Variants in MGST1 observed in about 807,000 individuals in gnomAD.
The protein encoded by MGST1 is glutathione S-transferase 12.
MGST1 carries 5 observed loss-of-function variants against 8.9 expected under a neutral mutation model. The ratio of observed to expected loss-of-function variants is 0.56; its 90% CI spans 0.29 to 1.19. MGST1 has a LOEUF of 1.19. MGST1 is among the 50% of genes most tolerant of loss of function. The pLI is 0.08. For missense variants in MGST1, 182 were observed against 187.4 expected (o/e 0.97, Z 0.17); for synonymous variants, 54 against 67.8 (o/e 0.80, Z 1.00).
chr12:16,538,758 A>G (rs1591754927), intron 4 of MGST1, among the ~76,000 whole-genome samples: 4 of 151,828 alleles, frequency 2.6e-5, no homozygotes, highest in South Asian at 4.2e-4. Context: ...ACAGGCGCCC[A>G]CCACCATGCC....
chr12:16,579,070 T>C (rs886130400), intron 4 of MGST1, among the ~76,000 whole-genome samples: 9 of 152,168 alleles, frequency 5.9e-5, no homozygotes, highest in Admixed American at 5.9e-4. Context: ...AAACACTCTC[T>C]AGAGCTTAGT....
At position 16,586,899 on chromosome 12, in the gene MGST1, A is replaced by C. The variant is rs1477402861; in HGVS notation, n.483-2629A>C. Among the ~76,000 whole-genome samples, 1 of 152,200 alleles carries C rather than the reference A, an allele frequency of 6.6e-6. No homozygotes were observed. The highest frequency in any genetic ancestry group is 1.5e-5 in the Non-Finnish European group (1 of 68,032). On this transcript the variant is annotated intron_variant and non_coding_transcript_variant, in intron 4 of 4. Coordinates refer to the MGST1 transcript ENST00000538857. This position sits in a 1 kb window ranked among gnomAD's most constrained non-coding sequence, Gnocchi z 4.3. ...AAATTAGACAATACGTCTCATCTAA[A>C]TTCATGGAATTCTCCCCTCTAATAA... is the stretch of plus-strand genomic sequence containing the variant.
At chr12:16,348,490 A>G (rs1220757360) in intron 1 of MGST1, among the ~76,000 whole-genome samples, 1 of 152,044 alleles carries the variant, frequency 6.6e-6, no homozygotes, top group African/African-American at 2.4e-5. Context: ...AGTGCATGTA[A>G]ATCTTCTAGT....
chr12:16,466,137 A>G (rs1293496834), intron 4 of MGST1, among the ~76,000 whole-genome samples: 1 of 152,216 alleles, frequency 6.6e-6, no homozygotes, highest in East Asian at 1.9e-4. Context: ...ATGGATTAAA[A>G]CAGCCATAAG....
chr12:16,390,003 C>T lies in MGST1; in HGVS notation n.778+6399C>T, dbSNP rs562805303. 5.3e-5 allele frequency among the ~76,000 whole-genome samples: 8 copies of T among 152,316 alleles called. 1 individual carries two copies. Among genetic ancestry groups the T allele is most frequent in the Middle Eastern group, 3.4e-3 (1 of 294 alleles). On this transcript the variant is annotated intron_variant and non_coding_transcript_variant, in intron 1 of 1. Coordinates refer to the MGST1 transcript ENST00000359720. ...TCCGTCAGAGGGTTGAAATTTCACA[C>T]ACGAAGGCTCATTTTGATATGTTCA...
chr12:16,552,394 G>A (rs1164959506), intron 4 of MGST1, among the ~76,000 whole-genome samples: 1 of 152,018 alleles, frequency 6.6e-6, no homozygotes, highest in East Asian at 1.9e-4. Context: ...AGAAATCTTA[G>A]TGGATAGATT....
intron 4 of MGST1, chr12:16,573,644 T>C (rs951320837): frequency 2.6e-5 from 4 of 152,158 alleles, no homozygotes; most frequent in African/African-American, 9.7e-5. Context: ...GTTATACGTA[T>C]TTAGGAAATC....
At chr12:16,557,749 C>T (rs905123173) in intron 4 of MGST1, among the ~76,000 whole-genome samples, 2 of 151,964 alleles carry the variant, frequency 1.3e-5, no homozygotes, top group African/African-American at 2.4e-5. Flanking sequence ...AAGTTTCAGA[C>T]TCTGCAAGAG....
chr12:16,443,514 A>G (rs1333647127), downstream of MGST1, among the ~76,000 whole-genome samples: 10 of 151,474 alleles, frequency 6.6e-5, no homozygotes, highest in Non-Finnish European at 1.0e-4. Flanking sequence ...AACTTTTAGT[A>G]TCATTGTTTT....
At chr12:16,425,825 A>G (rs1487947743) in intron 1 of MGST1, among the ~76,000 whole-genome samples, 2 of 152,220 alleles carry the variant, frequency 1.3e-5, no homozygotes, top group Non-Finnish European at 2.9e-5. Flanking sequence ...CCCTTTCTCA[A>G]TACCCCATTT....
rs1943184907 is a variant in MGST1, at chr12:16,582,268, C to T, written n.483-7260C>T. Among the ~76,000 whole-genome samples, 1 of 152,150 alleles carries T rather than the reference C, an allele frequency of 6.6e-6. No individual in the cohort carries two copies. Among genetic ancestry groups the T allele is most frequent in the Admixed American group, 6.6e-5 (1 of 15,262 alleles). On this transcript the variant is annotated intron_variant and non_coding_transcript_variant, in intron 4 of 4. Transcript: ENST00000538857. This position sits in a 1 kb window ranked among gnomAD's most constrained non-coding sequence, Gnocchi z 4.1. ...TGTTTCTTCCTCCAGTTTGATAATA[C>T]AATGAATTAGATTGAGATATGTCCT...
chr12:16,441,842 C>T (rs1276741335), downstream of MGST1, among the ~76,000 whole-genome samples: 2 of 151,718 alleles, frequency 1.3e-5, no homozygotes, highest in Non-Finnish European at 2.9e-5. Context: ...TTTTCAAGTG[C>T]TTTGGGAGAG....
At chr12:16,372,767 G>C (rs916142525) in intron 3 of MGST1, among the ~76,000 whole-genome samples, 5 of 151,434 alleles carry the variant, frequency 3.3e-5, no homozygotes, top group Non-Finnish European at 5.9e-5. Context: ...GCCAAGATCA[G>C]CCTAAGTGCC....
At chr12:16,355,915 G>C (rs1387637783) in intron 2 of MGST1, among the ~76,000 whole-genome samples, 3 of 152,130 alleles carry the variant, frequency 2.0e-5, no homozygotes, top group Admixed American at 6.5e-5. Context: ...TCTGGAGTCT[G>C]GTAAGTCTAA....
chr12:16,561,465 G>A (rs759672414), intron 4 of MGST1, among the ~76,000 whole-genome samples: 1 of 151,920 alleles, frequency 6.6e-6, no homozygotes, highest in African/African-American at 2.4e-5. Context: ...CCAGTGTCAG[G>A]CTGACAGGAG....
At chr12:16,443,207 A>AT (rs1351423924), downstream of MGST1, among the ~76,000 whole-genome samples, 1 of 151,654 alleles carries the variant, frequency 6.6e-6, no homozygotes, top group Non-Finnish European at 1.5e-5. Context: ...ACTTGGAATG[A>AT]TTTTTTTCAG....
intron 3 of MGST1, among the ~76,000 whole-genome samples, chr12:16,358,870 T>A (rs1939859061): frequency 7.0e-6 from 1 of 143,046 alleles, no homozygotes; most frequent in Non-Finnish European, 1.5e-5. Flanking sequence ...TTCATATTGA[T>A]GGACACCTAG....
intron 1 of MGST1, among the ~76,000 whole-genome samples, chr12:16,398,206 C>T (rs982605867): frequency 2.0e-5 from 3 of 152,086 alleles, no homozygotes; most frequent in African/African-American, 7.2e-5. Context: ...AGACCCCTCC[C>T]CACTTCTCTT....
intron 3 of MGST1, among the ~76,000 whole-genome samples, chr12:16,371,805 G>T (rs2137023696): frequency 6.6e-6 from 1 of 152,074 alleles, no homozygotes; most frequent in Admixed American, 6.6e-5. Flanking sequence ...AGCTCACAAA[G>T]TCTAAAATAT....
Sources: gnomAD v4.1 joint callset for allele counts (sites outside exome capture counted in the v4.1 genomes callset) on GRCh38, gnomAD v4.1.1 for gene constraint, Gnocchi (gnomAD v3.1) non-coding constraint, MANE v1.5 for transcripts, NCBI Gene and HGNC (gene_info 2026-07-23, HGNC 2026-07-21) for gene names.